CAMTA1: variants seen among roughly 807,000 people sequenced by gnomAD.
The protein encoded by CAMTA1 is calmodulin binding transcription activator 1.
A neutral mutation model predicts 170.9 loss-of-function variants in CAMTA1; 27 were observed. The observed-to-expected ratio is 0.16, with a 90% confidence interval of 0.12 to 0.22. The LOEUF (loss-of-function observed/expected upper bound fraction) is 0.22. CAMTA1 is among the 10% of genes least tolerant of loss of function. CAMTA1 has a pLI of 1.00. For missense variants in CAMTA1, 1,619 were observed against 2,217.2 expected (o/e 0.73, Z 5.42); for synonymous variants, 833 against 891.5 (o/e 0.93, Z 1.17).
At chr1:7,310,704 T>TCTCTCTCTCTCTC in intron 5 of CAMTA1, among the ~76,000 whole-genome samples, 1 of 34,762 alleles carries the variant, frequency 2.9e-5, no homozygotes, top group Admixed American at 3.9e-4. Flanking sequence ...CTCTCTCTCT[T>TCTCTCTCTCTCTC]TCTTTCTTTC....
Position 6,811,433 on chromosome 1 carries a change from A to G in CAMTA1, c.46-8748A>G, listed in dbSNP as rs182058190. 2.1e-3 allele frequency among the ~76,000 whole-genome samples: 320 copies of G among 152,206 alleles called. 3 individuals are homozygous for G. The highest frequency in any genetic ancestry group is 7.4e-3 in the African/African-American group (306 of 41,512). ...TTTTTGGAGTAGAGAGTTTACTTTT[A>G]TGATAAATGACCCCAAACTGCTATA... is the stretch of plus-strand genomic sequence containing the variant. On this transcript the variant is annotated intron_variant, in intron 1 of 22. Transcript: ENST00000303635.
In CAMTA1 at chr1:7,222,539, G is replaced by A. The variant is rs140855720; in HGVS notation, c.303-26952G>A. 5.7e-4 allele frequency among the ~76,000 whole-genome samples: 87 copies of A among 152,262 alleles called. 2 individuals are homozygous for A. In the East Asian group the frequency reaches 0.015, roughly 27 times the overall value. ...CATGACATAGTGGCTGTGCTCAGGCGGAGAGTGAGTTATGTTTCTGTGGGC... is the reference window on the plus strand; with the variant it reads ...CATGACATAGTGGCTGTGCTCAGGCAGAGAGTGAGTTATGTTTCTGTGGGC... On this transcript the variant is annotated intron_variant, in intron 4 of 22. Coordinates refer to ENST00000303635, the MANE Select transcript of CAMTA1 (RefSeq NM_015215.4).
In CAMTA1 at chr1:6,965,042, T is replaced by G. The variant is rs1572082731; in HGVS notation, c.235-126262T>G. Among the ~76,000 whole-genome samples the G allele has an allele frequency of 6.6e-6, 1 of 151,998 alleles. No individual in the cohort carries two copies. Among genetic ancestry groups the G allele is most frequent in the African/African-American group, 2.4e-5 (1 of 41,352 alleles). On this transcript the variant is annotated intron_variant, in intron 3 of 22. Coordinates refer to ENST00000303635, the MANE Select transcript of CAMTA1 (RefSeq NM_015215.4). This position sits in a 1 kb window ranked among gnomAD's most constrained non-coding sequence, Gnocchi z 4.1. ...AGTCTGTGCTAACAGAGAGGGAGGG[T>G]CTTGTCTGGGAGACTTGCCTGACCC...
chr1:6,957,058 C>T (rs959375404), intron 3 of CAMTA1, among the ~76,000 whole-genome samples: 4 of 152,204 alleles, frequency 2.6e-5, no homozygotes, highest in Non-Finnish European at 4.4e-5. Flanking sequence ...CGAATCAGAG[C>T]GCCTTGGATG....
chr1:7,050,833 A>G lies in CAMTA1; in HGVS notation c.235-40471A>G, dbSNP rs777671722. The stretch of plus-strand genomic sequence containing the variant: ...GAAGAGGGGACTCTGGGAAGGAGAA[A>G]TGGGAACATCACACTGGGGTATTTA... On this transcript the variant is annotated intron_variant, in intron 3 of 22. Coordinates refer to ENST00000303635, the MANE Select transcript of CAMTA1 (RefSeq NM_015215.4). The surrounding 1 kb of genome is among the most constrained non-coding windows in gnomAD (Gnocchi z 4.8). 9.9e-5 allele frequency among the ~76,000 whole-genome samples: 15 copies of G among 152,052 alleles called. No homozygotes were observed. The highest frequency in any genetic ancestry group is 1.9e-4 in the Non-Finnish European group (13 of 68,006).
At chr1:7,556,669 G>T (rs1339561571) in intron 6 of CAMTA1, among the ~76,000 whole-genome samples, 2 of 152,054 alleles carry the variant, frequency 1.3e-5, no homozygotes, top group Non-Finnish European at 2.9e-5. Flanking sequence ...CCTCTTGCAG[G>T]TGTGGAATGC....
At chr1:6,874,681 T>C (rs1369763670) in intron 3 of CAMTA1, among the ~76,000 whole-genome samples, 1 of 152,124 alleles carries the variant, frequency 6.6e-6, no homozygotes, top group Admixed American at 6.6e-5. Context: ...TAAATCTGGG[T>C]TTTTAATCTC....
intron 16 of CAMTA1, 133 bp from the exon 17 acceptor site, chr1:7,744,702 G>A: frequency 1.5e-6 from 1 of 670,470 alleles, no homozygotes; most frequent in Non-Finnish European, 2.6e-6. Flanking sequence ...GTATTTCATT[G>A]CATTGGATTG....
At chr1:6,914,104 T>C (rs1031742294) in intron 3 of CAMTA1, among the ~76,000 whole-genome samples, 9 of 145,048 alleles carry the variant, frequency 6.2e-5, no homozygotes, top group African/African-American at 2.0e-4. Context: ...GCTCATCTCT[T>C]TTTTTTTTTT....
chr1:6,956,933 G>GCGGT (rs1215844735), intron 3 of CAMTA1, among the ~76,000 whole-genome samples: 1 of 152,234 alleles, frequency 6.6e-6, no homozygotes, highest in African/African-American at 2.4e-5. Context: ...TTAGTTAGTA[G>GCGGT]CGGTCGGGCC....
Position 7,544,749 on chromosome 1 carries a change from G to A in CAMTA1, c.510+76848G>A, listed in dbSNP as rs188683124. ...CAGCTGCATCTGGTGAGGGTCTCACGCAGCTTCCACTCATGGTGGAAGGTG... is the reference window on the plus strand; with the variant it reads ...CAGCTGCATCTGGTGAGGGTCTCACACAGCTTCCACTCATGGTGGAAGGTG... On this transcript the variant is annotated intron_variant, in intron 6 of 22. Transcript: ENST00000303635. 8.0e-4 allele frequency among the ~76,000 whole-genome samples: 122 copies of A among 152,286 alleles called. 2 individuals carry two copies. Among genetic ancestry groups the A allele is most frequent in the Admixed American group, 7.8e-3 (120 of 15,306 alleles).
intron 11 of CAMTA1, among the ~76,000 whole-genome samples, chr1:7,705,445 T>G (rs950421517): frequency 1.3e-5 from 2 of 148,848 alleles, no homozygotes; most frequent in African/African-American, 5.0e-5. Context: ...CCGGATGAGC[T>G]TCTGGAGTGG....
At chr1:7,608,328 C>T (rs1369643952) in intron 6 of CAMTA1, among the ~76,000 whole-genome samples, 1 of 152,188 alleles carries the variant, frequency 6.6e-6, no homozygotes, top group Non-Finnish European at 1.5e-5. Flanking sequence ...GCCAGGAAGC[C>T]CCTACAGAGA....
chr1:7,434,056 A>C lies in CAMTA1; in HGVS notation c.439-33774A>C, dbSNP rs538277299. ...CCTGTCCCTCCCCCACATCCCTTCC[A>C]CCTCCTGGAGAGTCCCTCCCCCACA... On this transcript the variant is annotated intron_variant, in intron 5 of 22. Coordinates refer to ENST00000303635, the MANE Select transcript of CAMTA1 (RefSeq NM_015215.4). Among the ~76,000 whole-genome samples the C allele has an allele frequency of 1.1e-3, 161 of 149,202 alleles. 1 individual carries two copies. The highest frequency in any genetic ancestry group is 3.8e-3 in the African/African-American group (155 of 40,410).
In CAMTA1 at chr1:6,865,306, C is replaced by T. The variant is rs115750022; in HGVS notation, c.234+40096C>T. On this transcript the variant is annotated intron_variant, in intron 3 of 22. Coordinates refer to ENST00000303635, the MANE Select transcript of CAMTA1 (RefSeq NM_015215.4). ...GTTCAGCCTCTGCCACTCCTGAGGG[C>T]CCATTCATTCATTCTCTCATTCACC... is the stretch of plus-strand genomic sequence containing the variant. Among the ~76,000 whole-genome samples the T allele has an allele frequency of 7.6e-3, 1,151 of 152,244 alleles. 19 individuals are homozygous for T. Among genetic ancestry groups the T allele is most frequent in the African/African-American group, 0.027 (1,102 of 41,528 alleles).
Position 7,530,675 on chromosome 1 carries a change from C to A in CAMTA1, c.510+62774C>A, listed in dbSNP as rs1219027307. On this transcript the variant is annotated intron_variant, in intron 6 of 22. Transcript: ENST00000303635. ...TGCCACTTTGAAGCTGCATATGGAG[C>A]ACACAGTAGGGACTCATCACATGTG... Among the ~76,000 whole-genome samples, 3 of 152,252 alleles carry A rather than the reference C, an allele frequency of 2.0e-5. No homozygotes were observed. The East Asian group carries it at 5.8e-4, about 29-fold the overall frequency.
At chr1:7,651,064 G>A (rs2149033224) in intron 7 of CAMTA1, among the ~76,000 whole-genome samples, 1 of 152,286 alleles carries the variant, frequency 6.6e-6, no homozygotes, top group East Asian at 1.9e-4. Context: ...TGGTTCATAA[G>A]GAGAGCAGCC....
rs115982899 is a variant in CAMTA1 at position 7,628,069 on chromosome 1, C to T, written c.511-12331C>T. Among the ~76,000 whole-genome samples, 1,059 of 152,288 alleles carry T rather than the reference C, an allele frequency of 7.0e-3. 13 individuals carry two copies. Among genetic ancestry groups the T allele is most frequent in the African/African-American group, 0.024 (981 of 41,538 alleles). ...TTTGGGGGAGGAAGAGATTTGGGGG[C>T]TGGAGTTGCTGAAAAGTCTTGAGAT... On this transcript the variant is annotated intron_variant, in intron 6 of 22. Coordinates refer to ENST00000303635, the MANE Select transcript of CAMTA1 (RefSeq NM_015215.4).
At chr1:7,149,323 G>A (rs545668325) in intron 4 of CAMTA1, among the ~76,000 whole-genome samples, 27 of 152,364 alleles carry the variant, frequency 1.8e-4, no homozygotes, top group East Asian at 5.8e-4. Context: ...GCAGGGCACC[G>A]TGGTTCACGG....
Sources: allele counts gnomAD v4.1 joint callset (sites outside exome capture counted in the v4.1 genomes callset), GRCh38; gene constraint gnomAD v4.1.1; non-coding constraint Gnocchi (gnomAD v3.1); transcripts MANE v1.5; gene names NCBI Gene and HGNC (gene_info 2026-07-23, HGNC 2026-07-21).